Variants in COL4A3 observed in about 807,000 individuals in gnomAD.
The protein encoded by COL4A3 is collagen alpha-3(IV) chain.
In COL4A3, 135 loss-of-function variants were observed where a neutral mutation model predicts 217.4. The ratio of observed to expected loss-of-function variants is 0.62; its 90% CI spans 0.54 to 0.72. COL4A3 has a LOEUF of 0.72. Among genes scored for constraint, COL4A3 ranks in the 30% least tolerant of loss-of-function variants. COL4A3 has a pLI of 0.00. For synonymous variants in COL4A3, 690 were observed against 736.3 expected, an observed-to-expected ratio of 0.94 and a Z score of 1.02; for missense variants, 1,868 against 2,119.9, an observed-to-expected ratio of 0.88 and a Z score of 2.33.
intron 5 of COL4A3, among the ~76,000 whole-genome samples, chr2:227,245,518 A>G (rs145682746): frequency 1.4e-3 from 215 of 152,310 alleles, no homozygotes; most frequent in African/African-American, 5.0e-3. Context: ...GGGTCCTGGA[A>G]CTAACCCCCA....
intron 51 of COL4A3, 54 bp downstream of exon 51, chr2:227,311,002 A>C: frequency 6.2e-7 from 1 of 1,600,740 alleles, no homozygotes; most frequent in Admixed American, 1.7e-5. Flanking sequence ...AACTATTCAA[A>C]GGTTGCCTGT....
chr2:227,187,459 G>A (rs2066073840), intron 1 of COL4A3, among the ~76,000 whole-genome samples: 1 of 152,202 alleles, frequency 6.6e-6, no homozygotes, highest in South Asian at 2.1e-4. Flanking sequence ...GGCTCTACAA[G>A]CTGGTGTGCA....
Position 227,264,171 on chromosome 2 carries a change from A to G in COL4A3, c.1315+227A>G, listed in dbSNP as rs2070756138. On this transcript the variant is annotated intron_variant, in intron 21 of 51. Coordinates refer to ENST00000396578, the MANE Select transcript of COL4A3 (RefSeq NM_000091.5). ...GCCCGAGTTTCCCAGAGAGCAGAGTAGGAGGCAGGGACAAAGAGAGTGATG... is the reference window on the plus strand; with the variant it reads ...GCCCGAGTTTCCCAGAGAGCAGAGTGGGAGGCAGGGACAAAGAGAGTGATG... Among the ~76,000 whole-genome samples, 2 of 152,246 alleles carry G rather than the reference A, an allele frequency of 1.3e-5. 1 individual carries two copies. Among genetic ancestry groups the G allele is most frequent in the East Asian group, 3.8e-4 (2 of 5,206 alleles).
chr2:227,261,192 C>A, intron 20 of COL4A3, 75 bp downstream of exon 20: 1 of 1,235,382 alleles, frequency 8.1e-7, no homozygotes, highest in Non-Finnish European at 1.2e-6. Context: ...ATTAAGTTTA[C>A]ATTATTTACA....
At chr2:227,220,160 GTGTGTT>G (rs1051890910) in intron 1 of COL4A3, among the ~76,000 whole-genome samples, 2 of 146,884 alleles carry the variant, frequency 1.4e-5, no homozygotes, top group African/African-American at 5.0e-5. Flanking sequence ...GTGTGTGTGT[GTGTGTT>G]TCAGAGACAA....
Position 227,294,561 on chromosome 2 carries a change from G to A in COL4A3, c.3409G>A (p.Gly1137Ser). 6.2e-7 allele frequency: 1 copy of A among 1,610,612 alleles called. No homozygotes were observed. Among genetic ancestry groups the A allele is most frequent in the Admixed American group, 1.7e-5 (1 of 60,016 alleles). Reference sequence around the variant, plus strand: ...CCTCCTGGGCCCTCCAGGAATCAGAGGCCCTCCAGGTTTCATTTTTGTACT... The same window carrying A: ...CCTCCTGGGCCCTCCAGGAATCAGAAGCCCTCCAGGTTTCATTTTTGTACT... ...KGLLGPPGIR[G>S]PPGLPGFPGS... Residue 1137 changes from glycine to serine, a missense_variant, in exon 39 of 52, where the codon GGC becomes AGC. Physicochemically the swap from Gly to Ser is moderately conservative, Grantham distance 56 (BLOSUM62 0). Around this residue, in one of 2 missense-constraint regions of COL4A3, gnomAD observed 1,503 missense variants for 1,786.1 expected, o/e 0.84. Transcript: ENST00000396578.
intron 1 of COL4A3, among the ~76,000 whole-genome samples, chr2:227,189,635 T>A (rs186365079): frequency 3.3e-5 from 5 of 152,334 alleles, no homozygotes; most frequent in African/African-American, 9.6e-5. Context: ...AAGACCTAAA[T>A]AACCCAGAGT....
intron 1 of COL4A3, among the ~76,000 whole-genome samples, chr2:227,193,884 G>GAGGGAAGGA (rs2066356614): frequency 1.5e-4 from 14 of 90,406 alleles, no homozygotes; most frequent in South Asian, 4.9e-4. Flanking sequence ...GAGAGGGAGG[G>GAGGGAAGGA]AGGAAGGAAG....
In COL4A3 at chr2:227,272,943, T is replaced by C; in HGVS notation, c.1759-6T>C. On this transcript the variant is annotated splice_polypyrimidine_tract_variant and splice_region_variant and intron_variant, in intron 25 of 51. Coordinates refer to ENST00000396578, the MANE Select transcript of COL4A3 (RefSeq NM_000091.5). ...GCACGATTCAAACACATTCCTGTTG[T>C]CACAGGCTCTGAGTGGTGAGAAAGG... The C allele has an allele frequency of 5.6e-6, 9 of 1,613,916 alleles. No individual in the cohort carries two copies. Among genetic ancestry groups the C allele is most frequent in the Non-Finnish European group, 7.6e-6 (9 of 1,179,840 alleles).
At chr2:227,304,287 C>A in intron 46 of COL4A3, 143 bp downstream of exon 46, 1 of 1,056,450 alleles carries the variant, frequency 9.5e-7, no homozygotes, top group South Asian at 1.4e-5. Flanking sequence ...TAGGATTGAG[C>A]TCATTTTACC....
intron 14 of COL4A3, 85 bp downstream of exon 14, chr2:227,254,259 G>GTTT (rs11412904): frequency 1.8e-3 from 1,795 of 993,628 alleles, no homozygotes; most frequent in Non-Finnish European, 2.2e-3. Flanking sequence ...GTCTTAAGTT[G>GTTT]TTTTTTTTTT....
chr2:227,304,886 A>T, intron 46 of COL4A3, 99 bp from the exon 47 acceptor site: 1 of 989,614 alleles, frequency 1.0e-6, no homozygotes, highest in Non-Finnish European at 1.6e-6. Flanking sequence ...CAGGACTTTC[A>T]TTCCTGAAAC....
intron 38 of COL4A3, 93 bp downstream of exon 38, chr2:227,293,410 C>T (rs959005152): frequency 2.1e-6 from 3 of 1,419,758 alleles, no homozygotes; most frequent in Non-Finnish European, 2.9e-6. Flanking sequence ...GCTATTTATA[C>T]TTTTATGCTG....
intron 1 of COL4A3, among the ~76,000 whole-genome samples, chr2:227,230,916 C>T (rs558621766): frequency 6.6e-6 from 1 of 152,308 alleles, no homozygotes; most frequent in South Asian, 2.1e-4. Flanking sequence ...TTTGAGTTCA[C>T]ACAATCAGGT....
rs2069428690 is a variant in COL4A3 at position 227,247,602 on chromosome 2, T to C, written c.468+18T>C. 8 of 1,613,696 alleles carry C rather than the reference T, an allele frequency of 5.0e-6. No homozygotes were observed. Among genetic ancestry groups the C allele is most frequent in the African/African-American group, 2.7e-5 (2 of 74,910 alleles). On this transcript the variant is annotated intron_variant, in intron 8 of 51. Transcript: ENST00000396578. ...GACAAAAGGTAAGTCATTGGTGGAATGCTGTCACTGAAAATCTCTAACTGT... is the reference window on the plus strand; with the variant it reads ...GACAAAAGGTAAGTCATTGGTGGAACGCTGTCACTGAAAATCTCTAACTGT...
chr2:227,298,896 T>G lies in COL4A3; in HGVS notation c.3882+84T>G, dbSNP rs2073154978. The G allele has an allele frequency of 3.9e-6, 5 of 1,278,510 alleles. 1 individual carries two copies. In the South Asian group the frequency reaches 7.0e-5, roughly 18 times the overall value. The allele number at this position is 1,278,510 out of a possible 1,614,324, so 79.2% of individuals were successfully genotyped here. ...TTATATTGTATATTATATCATATATTGTTGATGTTAACTGTATTAGTCCAT... is the reference window on the plus strand; with the variant it reads ...TTATATTGTATATTATATCATATATGGTTGATGTTAACTGTATTAGTCCAT... On this transcript the variant is annotated intron_variant, in intron 43 of 51. Transcript: ENST00000396578.
Position 227,266,422 on chromosome 2 carries a change from A to G in COL4A3, c.1321A>G (p.Ile441Val). The G allele has an allele frequency of 6.2e-7, 1 of 1,613,770 alleles. No homozygotes were observed. ...TTGGTGCTGTATTTTTATAGGTGACATCGTTTTTCGCAAGGGTCCACCTGG... is the reference window on the plus strand; with the variant it reads ...TTGGTGCTGTATTTTTATAGGTGACGTCGTTTTTCGCAAGGGTCCACCTGG... Reference protein sequence around the residue: ...SPGPPGPPGDIVFRKGPPGDH... With the variant: ...SPGPPGPPGDVVFRKGPPGDH... Residue 441 changes from isoleucine (I) to valine (V), a missense_variant, in exon 22 of 52, where the codon ATC (isoleucine) becomes GTC (valine). Physicochemically the swap from Ile to Val is conservative, Grantham distance 29. Coordinates refer to ENST00000396578, the MANE Select transcript of COL4A3 (RefSeq NM_000091.5).
At chr2:227,289,331 T>C in intron 35 of COL4A3, 83 bp downstream of exon 35, 1 of 1,111,468 alleles carries the variant, frequency 9.0e-7, no homozygotes, top group East Asian at 2.6e-5. Flanking sequence ...CTAGGCTTAC[T>C]GGGTTTAAAT....
intron 1 of COL4A3, among the ~76,000 whole-genome samples, chr2:227,219,002 C>CCT (rs535093190): frequency 6.8e-6 from 1 of 147,874 alleles, no homozygotes; most frequent in Admixed American, 6.8e-5. Context: ...CCCATTATTT[C>CCT]TTTTTTTTTT....
Sources: gnomAD v4.1 joint callset for allele counts (sites outside exome capture counted in the v4.1 genomes callset) on GRCh38, gnomAD v4.1.1 for gene constraint, gnomAD v4.1.1 regional missense constraint, MANE v1.5 for transcripts, NCBI Gene and HGNC (gene_info 2026-07-23, HGNC 2026-07-21) for gene names.